NFATC4: variants seen among roughly 807,000 people sequenced by gnomAD.
NFATC4 encodes the protein nuclear factor of activated T-cells, cytoplasmic 4.
Under a neutral mutation model 73.4 loss-of-function variants are expected in NFATC4, and 25 were observed. The observed-to-expected ratio is 0.34, with a 90% CI of 0.25 to 0.48. The LOEUF is 0.48. NFATC4 is among the 20% of genes least tolerant of loss of function. The pLI, the probability that NFATC4 is intolerant of heterozygous loss-of-function variation, is 0.99. For synonymous variants in NFATC4, 523 were observed against 510.3 expected, an observed-to-expected ratio of 1.02 and a Z score of -0.34; for missense variants, 1,130 against 1,203.7, an observed-to-expected ratio of 0.94 and a Z score of 0.91.
At chr14:24,367,245 G>A (rs764151599), upstream of NFATC4, 4 of 1,611,764 alleles carry the variant, frequency 2.5e-6, no homozygotes, top group Admixed American at 3.3e-5. Flanking sequence ...TGGGGGCGGG[G>A]GGGCCAAGGA....
upstream of NFATC4, chr14:24,367,009 G>C (rs1018636366): frequency 6.2e-7 from 1 of 1,609,944 alleles, no homozygotes; most frequent in South Asian, 1.1e-5. Context: ...AGAGACTGGA[G>C]ACGCGGCCTC....
chr14:24,373,217 G>C lies in NFATC4; in HGVS notation c.1406G>C (p.Gly469Ala). ...EKPLTLQMFI[G>A]TADERNLRPH... is the part of the protein sequence containing the mutation. ...CCACTGACCCTACAGATGTTCATCGGCACTGCAGATGAAAGGAACCTGCGG... is the reference window on the plus strand; with the variant it reads ...CCACTGACCCTACAGATGTTCATCGCCACTGCAGATGAAAGGAACCTGCGG... The change falls in exon 4 of 10, where the codon GGC (glycine) becomes GCC (alanine). Residue 469 changes from glycine to alanine, a missense_variant. Around this residue, in one of 3 missense-constraint regions of NFATC4, gnomAD observed 155 missense variants for 221.2 expected, o/e 0.70. Transcript: ENST00000250373. This position sits in a 1 kb window ranked among gnomAD's most constrained non-coding sequence, Gnocchi z 4.7. 6.2e-7 allele frequency: 1 copy of C among 1,614,176 alleles called. No homozygotes were observed. Among genetic ancestry groups the C allele is most frequent in the Non-Finnish European group, 8.5e-7 (1 of 1,180,040 alleles).
intron 5 of NFATC4, 187 bp downstream of exon 5, chr14:24,374,054 G>A: frequency 1.0e-6 from 1 of 955,242 alleles, no homozygotes. Context: ...GGGTGGCCCA[G>A]AGTGACACTG....
rs2042640314 is a variant in NFATC4, at chr14:24,376,901, T to C, written c.2641+23T>C. 6.6e-7 allele frequency: 1 copy of C among 1,518,084 alleles called. No individual in the cohort carries two copies. The highest frequency in any genetic ancestry group is 2.3e-5 in the East Asian group (1 of 43,314). The allele number at this position is 1,518,084 out of a possible 1,614,324, so 94.0% of individuals were successfully genotyped here. A position where few individuals can be genotyped will look rare whatever the true frequency, so the allele number is the denominator to read the frequency against. ...AAGGTGGGTGTGGGACTGGGGGCTG[T>C]GAGTGTGAGTGTGTGCAAGAGATTG... On this transcript the variant is annotated intron_variant, in intron 9 of 9. Coordinates refer to ENST00000250373, the MANE Select transcript of NFATC4 (RefSeq NM_004554.5). This position sits in a 1 kb window ranked among gnomAD's most constrained non-coding sequence, Gnocchi z 5.0.
In NFATC4 at chr14:24,378,088, G is replaced by T; in HGVS notation, c.*383G>T. 1 of 238,790 alleles carries T rather than the reference G, an allele frequency of 4.2e-6. No individual in the cohort carries two copies. The highest frequency in any genetic ancestry group is 8.3e-6 in the Non-Finnish European group (1 of 119,792). 14.8% of individuals were successfully genotyped at this position (238,790 alleles called of 1,614,324 possible). On this transcript the variant is annotated 3_prime_UTR_variant, in exon 10 of 10. Transcript: ENST00000250373. ...GCTCCAGAGCTCTTTGGAGAGATGG[G>T]TTGGGGCAGCTTACTCCAGCCCTGG...
intron 6 of NFATC4, 125 bp downstream of exon 6, chr14:24,374,591 G>T: frequency 1.1e-6 from 1 of 886,580 alleles, no homozygotes; most frequent in Non-Finnish European, 1.7e-6. Context: ...AAATGGGACA[G>T]ACAGACTACC....
At chr14:24,374,213 T>G in intron 5 of NFATC4, 113 bp from the exon 6 acceptor site, 1 of 1,319,252 alleles carries the variant, frequency 7.6e-7, no homozygotes, top group Non-Finnish European at 1.0e-6. Context: ...TGTCTACTGC[T>G]GAGGAGGGCT....
intron 5 of NFATC4, chr14:24,374,123 C>T (rs2042548760): frequency 2.3e-6 from 2 of 882,192 alleles, no homozygotes; most frequent in Non-Finnish European, 3.6e-6. Context: ...CTGGTCTACC[C>T]TGTTTAACCC....
chr14:24,369,823 C>A lies in NFATC4; in HGVS notation c.425C>A (p.Ser142Tyr), dbSNP rs999791858. ...EDNPDAWGDG[S>Y]PRDYPPPEGF... The stretch of plus-strand genomic sequence containing the variant: ...AACCCTGATGCCTGGGGGGACGGCT[C>A]TCCTAGAGATTACCCCCCACCAGAA... The change falls in exon 2 of 10, where the codon TCT becomes TAT. Residue 142 changes from serine to tyrosine, a missense_variant. By Grantham distance (144) the Ser-to-Tyr change is moderately radical. Around this residue, in one of 3 missense-constraint regions of NFATC4, gnomAD observed 585 missense variants for 574.3 expected, o/e 1.02. Coordinates refer to ENST00000250373, the MANE Select transcript of NFATC4 (RefSeq NM_004554.5). 1 of 1,602,012 alleles carries A rather than the reference C, an allele frequency of 6.2e-7. No homozygotes were observed. The highest frequency in any genetic ancestry group is 1.7e-5 in the Admixed American group (1 of 58,028).
chr14:24,367,636 C>T (rs1024997435), upstream of NFATC4: 7 of 1,536,102 alleles, frequency 4.6e-6, no homozygotes, highest in Admixed American at 2.0e-5. Context: ...CCAGAAGGCC[C>T]GGGCAGAGTA....
At chr14:24,374,133 C>G (rs1014986314) in intron 5 of NFATC4, 193 bp from the exon 6 acceptor site, 2 of 898,470 alleles carry the variant, frequency 2.2e-6, no homozygotes, top group Non-Finnish European at 3.5e-6. Flanking sequence ...CTGTTTAACC[C>G]TCTCTCTGCT....
At position 24,369,912 on chromosome 14, in the gene NFATC4, G is replaced by T. The variant is rs778868358; in HGVS notation, c.514G>T (p.Gly172Cys). 3.1e-6 allele frequency: 5 copies of T among 1,612,630 alleles called. No homozygotes were observed. In the Admixed American group the frequency reaches 5.0e-5, roughly 16 times the overall value. Reference protein sequence around the residue: ...GGGAFFSPSPGSSSLSSWSFF... With the variant: ...GGGAFFSPSPCSSSLSSWSFF... ...GGGGGCCTTCTTCAGCCCAAGCCCT[G>T]GCAGCAGCAGCCTGTCCTCGTGGAG... is the stretch of plus-strand genomic sequence containing the variant. Residue 172 changes from glycine (G) to cysteine (C), a missense_variant, in exon 2 of 10, where the codon GGC becomes TGC. Physicochemically the swap from Gly to Cys is radical, Grantham distance 159 (BLOSUM62 -3). This residue lies in a region of NFATC4 where 585 missense variants were observed against 574.3 expected (regional missense o/e 1.02). Transcript: ENST00000250373.
At position 24,373,577 on chromosome 14, in the gene NFATC4, A is replaced by G; in HGVS notation, c.1560-118A>G. On this transcript the variant is annotated intron_variant, in intron 4 of 9. Coordinates refer to ENST00000250373, the MANE Select transcript of NFATC4 (RefSeq NM_004554.5). The surrounding 1 kb of genome is among the most constrained non-coding windows in gnomAD (Gnocchi z 4.7). ...TCTCTGGGTTAGAAAATAGCCTCCT[A>G]GGCACTCATCGAAAGTCATTCAAGG... The G allele has an allele frequency of 6.8e-7, 1 of 1,461,120 alleles. No individual in the cohort carries two copies. 90.5% of individuals were successfully genotyped at this position (1,461,120 alleles called of 1,614,324 possible).
chr14:24,374,178 C>A, intron 5 of NFATC4, 148 bp from the exon 6 acceptor site: 1 of 1,059,394 alleles, frequency 9.4e-7, no homozygotes, highest in Non-Finnish European at 1.4e-6. Context: ...TATGTGACTC[C>A]ATGGATATTA....
At position 24,373,129 on chromosome 14, in the gene NFATC4, G is replaced by A. The variant is rs770193221; in HGVS notation, c.1360-42G>A. ...TCTAGGGATGAATAAAGGATGAGAC[G>A]GTGGGGATTTCAATGAGGTGGCCGC... is the stretch of plus-strand genomic sequence containing the variant. On this transcript the variant is annotated intron_variant, in intron 3 of 9. Transcript: ENST00000250373. The surrounding 1 kb of genome is among the most constrained non-coding windows in gnomAD (Gnocchi z 4.7). The A allele has an allele frequency of 3.1e-5, 49 of 1,582,444 alleles. No homozygotes were observed. The highest frequency in any genetic ancestry group is 3.3e-5 in the Admixed American group (2 of 59,760).
Position 24,376,872 on chromosome 14 carries a change from G to A in NFATC4, c.2635G>A (p.Glu879Lys), listed in dbSNP as rs978529236. Residue 879 changes from glutamate (E) to lysine (K), a missense_variant, in exon 9 of 10, where the codon GAG (glutamate) becomes AAG (lysine). By Grantham distance (56) the Glu-to-Lys change is moderately conservative. Around this residue, in one of 3 missense-constraint regions of NFATC4, gnomAD observed 390 missense variants for 408.1 expected, o/e 0.96. Coordinates refer to ENST00000250373, the MANE Select transcript of NFATC4 (RefSeq NM_004554.5). This position sits in a 1 kb window ranked among gnomAD's most constrained non-coding sequence, Gnocchi z 5.0. ...TGTCCCTATCCAGGGTATCACGCTG[G>A]AGGAAGGTGGGTGTGGGACTGGGGG... ...DSVPIQGITL[E>K]EVSEIIGRDL... The A allele has an allele frequency of 6.4e-7, 1 of 1,561,430 alleles. No homozygotes were observed. The highest frequency in any genetic ancestry group is 1.4e-5 in the African/African-American group (1 of 73,230).
chr14:24,374,012 C>T (rs768310407), intron 5 of NFATC4, 145 bp downstream of exon 5: 4 of 1,226,934 alleles, frequency 3.3e-6, no homozygotes, highest in Non-Finnish European at 1.2e-6. Flanking sequence ...TCTTTCTATT[C>T]TAGTTTGCCC....
In NFATC4 at chr14:24,370,380, C is replaced by G. The variant is rs1249826959; in HGVS notation, c.982C>G (p.Gln328Glu). 1.2e-6 allele frequency: 2 copies of G among 1,613,902 alleles called. No homozygotes were observed. The highest frequency in any genetic ancestry group is 2.7e-5 in the African/African-American group (2 of 74,934). The change falls in exon 2 of 10, where the codon CAG becomes GAG. Residue 328 changes from glutamine (Q) to glutamate (E), a missense_variant. By Grantham distance (29) the Gln-to-Glu change is conservative. Coordinates refer to ENST00000250373, the MANE Select transcript of NFATC4 (RefSeq NM_004554.5). ...GGCCCCACCAGCTGAGAGCATCCCTCAGAAGACACGGCGGACTTCCAGCGA... is the reference window on the plus strand; with the variant it reads ...GGCCCCACCAGCTGAGAGCATCCCTGAGAAGACACGGCGGACTTCCAGCGA... The part of the protein sequence containing the change: ...VGAPPAESIP[Q>E]KTRRTSSEQA...
chr14:24,369,597 C>A lies in NFATC4; in HGVS notation c.199C>A (p.Pro67Thr), dbSNP rs1003261158. Reference protein sequence around the residue: ...APIGIPRPPPPRPGMHSPPPR... With the variant: ...APIGIPRPPPTRPGMHSPPPR... ...TATCGGTATTCCCCGACCTCCACCC[C>A]CTCGGCCTGGCATGCATTCGCCACC... is the stretch of plus-strand genomic sequence containing the variant. The change falls in exon 2 of 10, where the codon CCT becomes ACT. Residue 67 changes from proline (P) to threonine (T), a missense_variant. By Grantham distance (38) the Pro-to-Thr change is conservative (BLOSUM62 -1). Coordinates refer to ENST00000250373, the MANE Select transcript of NFATC4 (RefSeq NM_004554.5). The A allele has an allele frequency of 6.2e-7, 1 of 1,613,502 alleles. No individual in the cohort carries two copies. The highest frequency in any genetic ancestry group is 8.5e-7 in the Non-Finnish European group (1 of 1,179,898).
Sources: allele counts gnomAD v4.1 joint callset, GRCh38; gene constraint gnomAD v4.1.1; regional missense constraint gnomAD v4.1.1; non-coding constraint Gnocchi (gnomAD v3.1); transcripts MANE v1.5; gene names NCBI Gene and HGNC (gene_info 2026-07-23, HGNC 2026-07-21).